ADGB: variants seen among roughly 807,000 people sequenced by gnomAD.
ADGB encodes calpain-7-like protein.
Under a neutral mutation model 210.5 loss-of-function variants are expected in ADGB, and 172 were observed. The observed-to-expected ratio is 0.82, with a 90% CI of 0.72 to 0.93. ADGB has a LOEUF of 0.93. ADGB is among the 40% of genes least tolerant of loss of function. The pLI, the probability that ADGB is intolerant of heterozygous loss-of-function variation, is 0.00. For missense variants in ADGB, 2,025 were observed against 1,964.8 expected (o/e 1.03, Z -0.58); for synonymous variants, 658 against 662.7 (o/e 0.99, Z 0.11).
At chr6:146,726,037 C>A in intron 18 of ADGB, 46 bp from the exon 19 acceptor site, 2 of 1,287,994 alleles carry the variant, frequency 1.6e-6, no homozygotes, top group Non-Finnish European at 2.2e-6. Flanking sequence ...TCAAATGCCA[C>A]CACCCAGGAA....
intron 23 of ADGB, among the ~76,000 whole-genome samples, chr6:146,739,919 T>G (rs1777138273): frequency 6.6e-6 from 1 of 152,212 alleles, no homozygotes; most frequent in Non-Finnish European, 1.5e-5. Context: ...CCATAATTAG[T>G]TTAGCAGTGT....
Position 146,728,627 on chromosome 6 carries a change from T to A in ADGB, c.2406T>A (p.Asn802Lys). 6.4e-7 allele frequency: 1 copy of A among 1,551,628 alleles called. No individual in the cohort carries two copies. Among genetic ancestry groups the A allele is most frequent in the Non-Finnish European group, 8.7e-7 (1 of 1,146,946 alleles). ...QSLLIMKAIG[N>K]VIANFKDKGK... Reference sequence around the variant, plus strand: ...TGTTGATTATGAAAGCTATTGGAAATGTGATTGCTAATTTCAAAGATAAGG... The same window carrying A: ...TGTTGATTATGAAAGCTATTGGAAAAGTGATTGCTAATTTCAAAGATAAGG... Residue 802 changes from asparagine to lysine, a missense_variant, in exon 20 of 36, where the codon AAT becomes AAA. By Grantham distance (94) the Asn-to-Lys change is moderately conservative. Transcript: ENST00000397944.
intron 27 of ADGB, among the ~76,000 whole-genome samples, chr6:146,758,336 G>A (rs1330387081): frequency 6.6e-6 from 1 of 151,900 alleles, no homozygotes; most frequent in African/African-American, 2.4e-5. Context: ...ATCTTAGTGG[G>A]CACTTTTGTG....
intron 29 of ADGB, among the ~76,000 whole-genome samples, chr6:146,769,952 A>T (rs1053160203): frequency 6.6e-6 from 1 of 152,196 alleles, no homozygotes; most frequent in African/African-American, 2.4e-5. Flanking sequence ...GATAAGACGT[A>T]AACTCTTAGT....
chr6:146,760,679 T>C (rs549332283), intron 27 of ADGB, among the ~76,000 whole-genome samples: 12 of 152,060 alleles, frequency 7.9e-5, no homozygotes, highest in African/African-American at 2.4e-4. Context: ...TTTAAGATGG[T>C]AAACAGTTTA....
chr6:146,608,030 GT>G (rs1351197007), intron 1 of ADGB, among the ~76,000 whole-genome samples: 1 of 152,086 alleles, frequency 6.6e-6, no homozygotes, highest in African/African-American at 2.4e-5. Flanking sequence ...CTGGTCCAGA[GT>G]TTTTTCTGGT....
chr6:146,683,369 T>C (rs1265976150), intron 9 of ADGB, among the ~76,000 whole-genome samples: 2 of 152,120 alleles, frequency 1.3e-5, no homozygotes, highest in Non-Finnish European at 2.9e-5. Context: ...AATCCCTATT[T>C]AATAGCACAT....
intron 27 of ADGB, among the ~76,000 whole-genome samples, chr6:146,758,755 A>T (rs971666142): frequency 1.3e-5 from 2 of 151,950 alleles, no homozygotes; most frequent in African/African-American, 4.8e-5. Flanking sequence ...TTTTCTTCTG[A>T]CTGCCTTGAA....
chr6:146,623,552 A>ACATG (rs553704794), intron 1 of ADGB, among the ~76,000 whole-genome samples: 61 of 151,952 alleles, frequency 4.0e-4, no homozygotes, highest in Non-Finnish European at 8.1e-4. Context: ...GTATCCTGAA[A>ACATG]CATGGCTAAA....
chr6:146,803,457 G>T, intron 35 of ADGB: 2 of 1,605,848 alleles, frequency 1.2e-6, no homozygotes, highest in Non-Finnish European at 1.7e-6. Flanking sequence ...GTTTTTTTCT[G>T]TAACAAAGAT....
rs1009380933 is a variant in ADGB, at chr6:146,691,141, A to C, written c.1337A>C (p.Glu446Ala). 3 of 1,541,342 alleles carry C rather than the reference A, an allele frequency of 1.9e-6. No homozygotes were observed. The African/African-American group carries it at 4.1e-5, about 21-fold the overall frequency. The change falls in exon 11 of 36, where the codon GAA becomes GCA. Residue 446 changes from glutamate to alanine, a missense_variant. Physicochemically the swap from Glu to Ala is moderately radical, Grantham distance 107 (BLOSUM62 -1). Transcript: ENST00000397944. ...GCAGATTCTGCTGAGAAACTTAGAG[A>C]ATATGGGCTTTCCCACATCTGTAGC... Reference protein sequence around the residue: ...KMADSAEKLREYGLSHICSHP... With the variant: ...KMADSAEKLRAYGLSHICSHP...
chr6:146,765,097 C>A (rs938000705), intron 28 of ADGB, among the ~76,000 whole-genome samples: 1 of 151,930 alleles, frequency 6.6e-6, no homozygotes, highest in Non-Finnish European at 1.5e-5. Flanking sequence ...CCGTGCCTGG[C>A]CTGATGATAG....
chr6:146,702,810 G>T (rs1037659753), intron 13 of ADGB, among the ~76,000 whole-genome samples: 1 of 151,744 alleles, frequency 6.6e-6, no homozygotes, highest in African/African-American at 2.4e-5. Flanking sequence ...AAATACTACT[G>T]CTATGAATGA....
Position 146,741,183 on chromosome 6 carries a change from G to A in ADGB, c.3089G>A (p.Cys1030Tyr). The A allele has an allele frequency of 6.4e-7, 1 of 1,550,638 alleles. No homozygotes were observed. The change falls in exon 25 of 36, where the codon TGT (cysteine) becomes TAT (tyrosine). Residue 1030 changes from cysteine to tyrosine, a missense_variant. Cys to Tyr is a radical substitution (Grantham distance 194). Coordinates refer to ENST00000397944, the MANE Select transcript of ADGB (RefSeq NM_024694.4). ...AAAGTATATACTACACTTCCAATCTGTATCCTACACATTGTTAATAATGAC... is the reference window on the plus strand; with the variant it reads ...AAAGTATATACTACACTTCCAATCTATATCCTACACATTGTTAATAATGAC... ...VPKVYTTLPI[C>Y]ILHIVNNDTM...
chr6:146,697,582 A>C (rs958636139), intron 12 of ADGB, among the ~76,000 whole-genome samples: 1 of 152,170 alleles, frequency 6.6e-6, no homozygotes, highest in Non-Finnish European at 1.5e-5. Context: ...TTGAAAATAG[A>C]TTAGAAGATA....
chr6:146,745,540 G>A (rs1025236942), intron 25 of ADGB, among the ~76,000 whole-genome samples: 2 of 152,220 alleles, frequency 1.3e-5, no homozygotes, highest in Non-Finnish European at 2.9e-5. Context: ...ATTCCAGAAA[G>A]ATAGATCTGG....
chr6:146,716,810 C>T lies in ADGB; in HGVS notation c.1742-73C>T, dbSNP rs1156945742. 9 of 1,363,680 alleles carry T rather than the reference C, an allele frequency of 6.6e-6. No homozygotes were observed. The East Asian group carries it at 1.0e-4, about 16-fold the overall frequency. 84.5% of individuals were successfully genotyped at this position (1,363,680 alleles called of 1,614,324 possible). A position where few individuals can be genotyped will look rare whatever the true frequency, so the allele number is the denominator to read the frequency against. ...AATAGACTTTGATATTTAAGTTTCC[C>T]TTTATCATTTTACATATTTCAATAA... is the stretch of plus-strand genomic sequence containing the variant. On this transcript the variant is annotated intron_variant, in intron 14 of 35. Coordinates refer to ENST00000397944, the MANE Select transcript of ADGB (RefSeq NM_024694.4).
chr6:146,723,116 G>T (rs1776844880), intron 17 of ADGB, among the ~76,000 whole-genome samples: 1 of 152,098 alleles, frequency 6.6e-6, no homozygotes, highest in African/African-American at 2.4e-5. Flanking sequence ...CAGGTGGCTA[G>T]AAAATACTTG....
At chr6:146,618,289 A>G (rs1019716380) in intron 1 of ADGB, among the ~76,000 whole-genome samples, 5 of 151,580 alleles carry the variant, frequency 3.3e-5, no homozygotes, top group Non-Finnish European at 7.4e-5. Context: ...AGTCAAGCTA[A>G]AAGTTTCTCT....
Sources: allele counts gnomAD v4.1 joint callset (sites outside exome capture counted in the v4.1 genomes callset), GRCh38; gene constraint gnomAD v4.1.1; transcripts MANE v1.5; gene names NCBI Gene and HGNC (gene_info 2026-07-23, HGNC 2026-07-21).